Variants in GSDMC observed in about 807,000 individuals in gnomAD.
GSDMC encodes the protein gasdermin-C.
GSDMC carries 59 observed loss-of-function variants against 58.0 expected under a neutral mutation model. The observed-to-expected ratio is 1.02, with a 90% CI of 0.82 to 1.26. The LOEUF (loss-of-function observed/expected upper bound fraction) is 1.26, where lower values mean the gene tolerates loss of function less well. Among genes scored for constraint, GSDMC ranks in the 50% most tolerant of loss-of-function variants. GSDMC has a pLI of 0.00. For synonymous variants in GSDMC, 241 were observed against 220.2 expected (o/e 1.09, Z -0.83); for missense variants, 659 against 598.5 (o/e 1.10, Z -1.06).
chr8:129,757,032 G>GA (rs1034665132), intron 6 of GSDMC, among the ~76,000 whole-genome samples: 3 of 150,842 alleles, frequency 2.0e-5, no homozygotes, highest in Admixed American at 6.6e-5. Flanking sequence ...CCCACAATTA[G>GA]AAAAAAAGAA....
At chr8:129,769,089 G>A (rs983457346) in intron 3 of GSDMC, among the ~76,000 whole-genome samples, 1 of 148,650 alleles carries the variant, frequency 6.7e-6, no homozygotes, top group African/African-American at 2.4e-5. Flanking sequence ...AAGGAAAGGA[G>A]AGGAGAGGAG....
chr8:129,730,308 G>T, the GSDMC span: 3 of 1,370,032 alleles, frequency 2.2e-6, no homozygotes, highest in Non-Finnish European at 3.0e-6. Context: ...CCAGGTCACA[G>T]ATCACAGAAT....
the GSDMC span, among the ~76,000 whole-genome samples, chr8:129,715,959 G>A: frequency 1.3e-5 from 2 of 152,290 alleles, no homozygotes; most frequent in East Asian, 1.9e-4. Context: ...TACTGTACAT[G>A]AAGTAGTATA....
Position 129,748,533 on chromosome 8 carries a change from G to C in GSDMC, c.1495C>G (p.Leu499Val). 1 of 1,611,958 alleles carries C rather than the reference G, an allele frequency of 6.2e-7. No individual in the cohort carries two copies. The highest frequency in any genetic ancestry group is 8.5e-7 in the Non-Finnish European group (1 of 1,179,016). ...KMPLSALYGT[L>V]SLLQQLAEA ...TCAGCCAGCTGCTGCAGCAACGAGAGAGTCCCATAGAGGGCAGACAGGGGC... is the reference window on the plus strand; with the variant it reads ...TCAGCCAGCTGCTGCAGCAACGAGACAGTCCCATAGAGGGCAGACAGGGGC... The change falls in exon 14 of 14, where the codon CTC becomes GTC. Residue 499 changes from leucine (L) to valine (V), a missense_variant. Physicochemically the swap from Leu to Val is conservative, Grantham distance 32. Coordinates refer to ENST00000276708, the MANE Select transcript of GSDMC (RefSeq NM_031415.3).
chr8:129,767,363 C>T (rs2033896827), intron 3 of GSDMC, among the ~76,000 whole-genome samples: 1 of 152,044 alleles, frequency 6.6e-6, no homozygotes, highest in Non-Finnish European at 1.5e-5. Context: ...CCAGGAAGTC[C>T]AAACAGTGAC....
chr8:129,729,193 T>A, the GSDMC span: 1 of 658,462 alleles, frequency 1.5e-6, no homozygotes, highest in South Asian at 1.4e-5. Context: ...AGCAATAAGC[T>A]GCATTTAAAA....
At chr8:129,721,532 T>G in the GSDMC span, among the ~76,000 whole-genome samples, 1 of 152,208 alleles carries the variant, frequency 6.6e-6, no homozygotes, top group Non-Finnish European at 1.5e-5. Flanking sequence ...TGCTCAATAT[T>G]CTAGTGTATT....
At chr8:129,760,511 T>A in intron 6 of GSDMC, 34 bp downstream of exon 6, 1 of 1,382,502 alleles carries the variant, frequency 7.2e-7, no homozygotes, top group Non-Finnish European at 1.0e-6. Context: ...CTCATAAAAA[T>A]AAAAAAATAA....
the GSDMC span, among the ~76,000 whole-genome samples, chr8:129,738,259 C>T: frequency 2.1e-4 from 32 of 152,258 alleles, no homozygotes; most frequent in African/African-American, 5.5e-4. Flanking sequence ...GACAGTGTGG[C>T]GATTCCTCAA....
At chr8:129,755,759 T>A (rs2033402905) in intron 6 of GSDMC, among the ~76,000 whole-genome samples, 1 of 152,088 alleles carries the variant, frequency 6.6e-6, no homozygotes, top group Non-Finnish European at 1.5e-5. Context: ...TTTTTGCCTA[T>A]TAGTTCATTT....
At chr8:129,732,703 C>A in the GSDMC span, among the ~76,000 whole-genome samples, 86 of 152,260 alleles carry the variant, frequency 5.6e-4, no homozygotes, top group South Asian at 0.018. Context: ...CCAAGATGGC[C>A]GAATAGGAAC....
chr8:129,764,385 C>T (rs369848291), intron 4 of GSDMC, among the ~76,000 whole-genome samples: 32 of 152,110 alleles, frequency 2.1e-4, no homozygotes, highest in African/African-American at 7.5e-4. Context: ...CAATCTCCCG[C>T]CTAGGCTGTG....
chr8:129,771,737 G>A (rs1452836751), intron 3 of GSDMC, among the ~76,000 whole-genome samples: 1 of 150,296 alleles, frequency 6.7e-6, no homozygotes, highest in Non-Finnish European at 1.5e-5. Context: ...TCATAACAAG[G>A]AATTTCAGAA....
intron 5 of GSDMC, 38 bp from the exon 6 acceptor site, chr8:129,760,627 G>A (rs1374943279): frequency 5.2e-6 from 4 of 767,006 alleles, no homozygotes; most frequent in Admixed American, 3.8e-5. Context: ...GGAGAGTTGA[G>A]GTTATTCCTG....
intron 7 of GSDMC, among the ~76,000 whole-genome samples, chr8:129,752,435 G>A (rs923350795): frequency 6.6e-6 from 1 of 152,196 alleles, no homozygotes; most frequent in Admixed American, 6.5e-5. Flanking sequence ...TGCAGGAAAT[G>A]GAGGAGCATG....
chr8:129,710,542 G>A, the GSDMC span, among the ~76,000 whole-genome samples: 12 of 152,238 alleles, frequency 7.9e-5, no homozygotes, highest in African/African-American at 1.2e-4. Flanking sequence ...TTCCTGATTC[G>A]ATTGGGTGTG....
chr8:129,746,525 A>G (rs999087621), downstream of GSDMC, among the ~76,000 whole-genome samples: 6 of 152,232 alleles, frequency 3.9e-5, no homozygotes, highest in African/African-American at 1.4e-4. Flanking sequence ...AAGATATTTA[A>G]TTATTATAAG....
chr8:129,727,724 A>G, the GSDMC span, among the ~76,000 whole-genome samples: 4 of 152,214 alleles, frequency 2.6e-5, no homozygotes, highest in Non-Finnish European at 4.4e-5. Flanking sequence ...ATGACTGCGC[A>G]GGCATTTTAG....
intron 2 of GSDMC, among the ~76,000 whole-genome samples, chr8:129,776,738 C>CTGCTGTTGTTGT (rs774217991): frequency 1.7e-4 from 26 of 151,016 alleles, no homozygotes; most frequent in African/African-American, 5.9e-4. Context: ...TTGGTTTTTG[C>CTGCTGTTGTTGT]TGTTGTTGTT....
Sources: gnomAD v4.1 joint callset for allele counts (sites outside exome capture counted in the v4.1 genomes callset) on GRCh38, gnomAD v4.1.1 for gene constraint, MANE v1.5 for transcripts, NCBI Gene and HGNC (gene_info 2026-07-23, HGNC 2026-07-21) for gene names.